The following MSRB3 variants were observed in gnomAD, a reference collection of about 807,000 sequenced individuals.
MSRB3 encodes the protein methionine sulfoxide reductase B3.
MSRB3 carries 13 observed loss-of-function variants against 21.0 expected under a neutral mutation model. The observed-to-expected ratio is 0.62, with a 90% CI of 0.40 to 0.98. The LOEUF (loss-of-function observed/expected upper bound fraction) is 0.98, where lower values mean the gene tolerates loss of function less well. Ranked by LOEUF, MSRB3 falls within the 50% of genes least tolerant of loss-of-function variation. MSRB3 has a pLI of 0.00. For missense variants in MSRB3, 199 were observed against 230.3 expected (o/e 0.86, Z 0.88); for synonymous variants, 87 against 88.6 (o/e 0.98, Z 0.10).
At chr12:65,427,467 C>G (rs1213856215) in intron 5 of MSRB3, among the ~76,000 whole-genome samples, 1 of 152,110 alleles carries the variant, frequency 6.6e-6, no homozygotes, top group Admixed American at 6.6e-5. Context: ...TAAGGGCCTC[C>G]TGATTTCTTT....
chr12:65,437,065 G>T (rs1366908681), intron 5 of MSRB3, among the ~76,000 whole-genome samples: 1 of 151,884 alleles, frequency 6.6e-6, no homozygotes, highest in South Asian at 2.1e-4. Context: ...ATGGTCCTGT[G>T]TGTGGCCTTA....
At chr12:65,292,886 G>A (rs1872740499) in intron 1 of MSRB3, among the ~76,000 whole-genome samples, 1 of 151,640 alleles carries the variant, frequency 6.6e-6, no homozygotes, top group Non-Finnish European at 1.5e-5. Flanking sequence ...ATCCTGGATG[G>A]CATTCCAATC....
At chr12:65,292,619 A>G (rs932007265) in intron 1 of MSRB3, among the ~76,000 whole-genome samples, 8 of 151,990 alleles carry the variant, frequency 5.3e-5, no homozygotes, top group African/African-American at 1.9e-4. Context: ...TTCTTAGACA[A>G]TCTTATTTAT....
intron 4 of MSRB3, among the ~76,000 whole-genome samples, chr12:65,354,253 C>T (rs908070427): frequency 7.2e-5 from 11 of 151,870 alleles, no homozygotes; most frequent in Middle Eastern, 3.2e-3. Context: ...TCTGTATTTC[C>T]TGAATCTGAA....
At chr12:65,354,300 G>A (rs1473991997) in intron 4 of MSRB3, among the ~76,000 whole-genome samples, 1 of 151,948 alleles carries the variant, frequency 6.6e-6, no homozygotes, top group African/African-American at 2.4e-5. Flanking sequence ...AAGTTCTCCT[G>A]GATAATATCC....
intron 4 of MSRB3, among the ~76,000 whole-genome samples, chr12:65,348,058 T>C (rs1387120857): frequency 6.6e-6 from 1 of 152,170 alleles, no homozygotes; most frequent in Non-Finnish European, 1.5e-5. Context: ...TTTTTTGTTG[T>C]GTCTCTGCCA....
chr12:65,370,436 A>G (rs924946019), intron 5 of MSRB3, among the ~76,000 whole-genome samples: 7 of 152,160 alleles, frequency 4.6e-5, no homozygotes, highest in African/African-American at 1.7e-4. Context: ...TTCCCTAAAC[A>G]TCAAGTCAGA....
At chr12:65,382,705 T>G (rs973875557) in intron 5 of MSRB3, among the ~76,000 whole-genome samples, 16 of 152,064 alleles carry the variant, frequency 1.1e-4, no homozygotes, top group Middle Eastern at 3.4e-3. Flanking sequence ...TGGGGCTTTT[T>G]TTGTTGTTTT....
chr12:65,281,008 C>T (rs1871982876), intron 1 of MSRB3, among the ~76,000 whole-genome samples: 1 of 152,106 alleles, frequency 6.6e-6, no homozygotes, highest in African/African-American at 2.4e-5. Flanking sequence ...GGGAGGATTG[C>T]TTGAACCCAG....
At chr12:65,386,927 A>G (rs1164394853) in intron 5 of MSRB3, among the ~76,000 whole-genome samples, 4 of 152,022 alleles carry the variant, frequency 2.6e-5, no homozygotes, top group African/African-American at 9.7e-5. Flanking sequence ...TTTTGTCATA[A>G]GTGAAAGGGT....
intron 5 of MSRB3, among the ~76,000 whole-genome samples, chr12:65,415,997 G>T (rs1880953322): frequency 2.6e-5 from 4 of 152,240 alleles, no homozygotes; most frequent in Non-Finnish European, 5.9e-5. Flanking sequence ...CTATTTGTGT[G>T]TGTGCTTGGG....
chr12:65,285,500 G>A (rs1359667991), intron 1 of MSRB3: 1 of 152,228 alleles, frequency 6.6e-6, no homozygotes, highest in African/African-American at 2.4e-5. Flanking sequence ...TATAAAATGT[G>A]GAGATGAATA....
chr12:65,369,292 C>CATACTA (rs1369336540), intron 5 of MSRB3, among the ~76,000 whole-genome samples: 1 of 152,226 alleles, frequency 6.6e-6, no homozygotes, highest in African/African-American at 2.4e-5. Context: ...GGGGGTTATA[C>CATACTA]ATACTAATTG....
chr12:65,355,782 A>G (rs919918932), intron 4 of MSRB3, among the ~76,000 whole-genome samples: 2 of 151,840 alleles, frequency 1.3e-5, no homozygotes, highest in African/African-American at 4.8e-5. Context: ...ACAGACTGCA[A>G]AGACCCATTG....
At chr12:65,279,083 T>C in intron 1 of MSRB3, 2 of 1,398,106 alleles carry the variant, frequency 1.4e-6, no homozygotes, top group Non-Finnish European at 1.8e-6. Flanking sequence ...TCAGGGCTGG[T>C]TTCCCCCCAC....
intron 2 of MSRB3, among the ~76,000 whole-genome samples, chr12:65,318,028 A>T (rs568264037): frequency 3.3e-5 from 5 of 152,272 alleles, no homozygotes; most frequent in Non-Finnish European, 7.4e-5. Flanking sequence ...ACATTGAATA[A>T]TGTCTTCCCG....
intron 5 of MSRB3, among the ~76,000 whole-genome samples, chr12:65,421,440 T>G (rs1881289180): frequency 6.6e-6 from 1 of 152,242 alleles, no homozygotes. Context: ...GATAGTTTCT[T>G]TTGCTGTGCA....
At chr12:65,430,056 C>T (rs76958965) in intron 5 of MSRB3, among the ~76,000 whole-genome samples, 3,505 of 152,064 alleles carry the variant, frequency 0.023, 157 homozygotes, top group African/African-American at 0.081. Context: ...GCCTGCTTTC[C>T]TTCCTTCCTT....
At chr12:65,373,510 CA>C (rs1163185561) in intron 5 of MSRB3, among the ~76,000 whole-genome samples, 1 of 151,670 alleles carries the variant, frequency 6.6e-6, no homozygotes, top group Non-Finnish European at 1.5e-5. Flanking sequence ...ACATTCAAAA[CA>C]AAGATTTTTT....
Sources: gnomAD v4.1 joint callset for allele counts (sites outside exome capture counted in the v4.1 genomes callset) on GRCh38, gnomAD v4.1.1 for gene constraint, MANE v1.5 for transcripts, NCBI Gene and HGNC (gene_info 2026-07-23, HGNC 2026-07-21) for gene names.